KIAA1958: variants seen among roughly 807,000 people sequenced by gnomAD.
KIAA1958 encodes KIAA1958.
Under a neutral mutation model 47.2 loss-of-function variants are expected in KIAA1958, and 14 were observed. That is an observed-to-expected ratio of 0.30 (90% confidence interval 0.20 to 0.46). The LOEUF (loss-of-function observed/expected upper bound fraction) is 0.46, where lower values mean the gene tolerates loss of function less well. Among genes scored for constraint, KIAA1958 ranks in the 20% least tolerant of loss-of-function variants. The pLI is 1.00. For synonymous variants in KIAA1958, 354 were observed against 353.3 expected, an observed-to-expected ratio of 1.00 and a Z score of -0.02; for missense variants, 803 against 909.2, an observed-to-expected ratio of 0.88 and a Z score of 1.50.
intron 1 of KIAA1958, among the ~76,000 whole-genome samples, chr9:112,531,847 C>G (rs1246219035): frequency 6.6e-6 from 1 of 152,210 alleles, no homozygotes; most frequent in Non-Finnish European, 1.5e-5. Context: ...GGTTAACGCT[C>G]ATGTTGATGT....
chr9:112,542,501 T>C (rs1834960931), intron 1 of KIAA1958, among the ~76,000 whole-genome samples: 1 of 152,162 alleles, frequency 6.6e-6, no homozygotes, highest in South Asian at 2.1e-4. Context: ...ACTAAACTAC[T>C]CTACAACTCT....
chr9:112,520,406 T>C (rs999628214), intron 1 of KIAA1958, among the ~76,000 whole-genome samples: 1 of 152,238 alleles, frequency 6.6e-6, no homozygotes, highest in Non-Finnish European at 1.5e-5. Flanking sequence ...CTTGATGCTT[T>C]TACCATCATC....
At chr9:112,527,831 C>T (rs1323927049) in intron 1 of KIAA1958, among the ~76,000 whole-genome samples, 2 of 150,570 alleles carry the variant, frequency 1.3e-5, no homozygotes, top group East Asian at 1.9e-4. Context: ...CAGCTACTGG[C>T]GAGGCCGAGG....
chr9:112,588,809 A>G (rs1464012602), intron 2 of KIAA1958, among the ~76,000 whole-genome samples: 2 of 152,110 alleles, frequency 1.3e-5, no homozygotes, highest in Non-Finnish European at 2.9e-5. Flanking sequence ...GCGTTGATCC[A>G]CTGTTCCCCT....
chr9:112,555,003 G>A (rs897161117), intron 1 of KIAA1958, among the ~76,000 whole-genome samples: 1 of 152,206 alleles, frequency 6.6e-6, no homozygotes, highest in African/African-American at 2.4e-5. Flanking sequence ...CAAAAATACT[G>A]CAAGAAGGGA....
intron 2 of KIAA1958, among the ~76,000 whole-genome samples, chr9:112,612,479 A>G (rs753127199): frequency 5.3e-5 from 8 of 152,236 alleles, no homozygotes; most frequent in Non-Finnish European, 1.2e-4. Flanking sequence ...CAGAGTTCCT[A>G]TAAATCAATA....
chr9:112,637,287 G>A lies in KIAA1958; in HGVS notation c.1172-8363G>A, dbSNP rs928866853. ...ACTTGCTGCCATCTTTTTTCCTTTTGCCTGAACATCTGTCTTTATTTTTTA... is the reference window on the plus strand; with the variant it reads ...ACTTGCTGCCATCTTTTTTCCTTTTACCTGAACATCTGTCTTTATTTTTTA... On this transcript the variant is annotated intron_variant, in intron 2 of 3. Coordinates refer to ENST00000337530, the MANE Select transcript of KIAA1958 (RefSeq NM_133465.4). 9.2e-5 allele frequency among the ~76,000 whole-genome samples: 14 copies of A among 151,944 alleles called. No homozygotes were observed. The East Asian group carries it at 2.5e-3, about 27-fold the overall frequency.
At chr9:112,552,856 G>C (rs889367645) in intron 1 of KIAA1958, among the ~76,000 whole-genome samples, 3 of 152,104 alleles carry the variant, frequency 2.0e-5, no homozygotes, top group Admixed American at 2.0e-4. Context: ...ATGGAGCTGT[G>C]TACCATTCAA....
chr9:112,585,821 T>A (rs1835814526), intron 2 of KIAA1958, among the ~76,000 whole-genome samples: 1 of 152,200 alleles, frequency 6.6e-6, no homozygotes, highest in Non-Finnish European at 1.5e-5. Flanking sequence ...TACTGAAAGG[T>A]CTTCAGGGCA....
intron 1 of KIAA1958, among the ~76,000 whole-genome samples, chr9:112,487,903 A>G (rs1452798773): frequency 6.6e-6 from 1 of 150,962 alleles, no homozygotes; most frequent in Non-Finnish European, 1.5e-5. Context: ...AAAAAAATGA[A>G]CGTGGCTGTG....
At chr9:112,588,554 A>G (rs1835868641) in intron 2 of KIAA1958, among the ~76,000 whole-genome samples, 1 of 152,246 alleles carries the variant, frequency 6.6e-6, no homozygotes, top group Non-Finnish European at 1.5e-5. Flanking sequence ...ATTTAGAGAC[A>G]AATCTCACAA....
At chr9:112,650,447 A>T (rs1267705485) in intron 3 of KIAA1958, among the ~76,000 whole-genome samples, 1 of 152,216 alleles carries the variant, frequency 6.6e-6, no homozygotes, top group Admixed American at 6.5e-5. Context: ...ATGAAAGGGT[A>T]GTGTTGTAAA....
At chr9:112,616,399 T>C (rs1836408307) in intron 2 of KIAA1958, among the ~76,000 whole-genome samples, 1 of 152,230 alleles carries the variant, frequency 6.6e-6, no homozygotes, top group Admixed American at 6.5e-5. Context: ...TTCATATATA[T>C]GTATAGTAAT....
chr9:112,537,079 C>T (rs1184552199), intron 1 of KIAA1958, among the ~76,000 whole-genome samples: 2 of 151,558 alleles, frequency 1.3e-5, no homozygotes, highest in African/African-American at 4.8e-5. Flanking sequence ...CCTCCCCTCC[C>T]CTCCCCTCTT....
At chr9:112,571,768 GGACA>G (rs1835538311) in intron 1 of KIAA1958, among the ~76,000 whole-genome samples, 1 of 143,784 alleles carries the variant, frequency 7.0e-6, no homozygotes, top group South Asian at 2.2e-4. Flanking sequence ...GGCAACCTAG[GGACA>G]CCCCTAGGTT....
intron 2 of KIAA1958, chr9:112,619,022 T>G (rs537118908): frequency 8.7e-7 from 1 of 1,145,904 alleles, no homozygotes; most frequent in East Asian, 3.3e-5. Context: ...TAATTCACTT[T>G]ATAAAAATAT....
At chr9:112,589,515 C>G (rs1835883317) in intron 2 of KIAA1958, among the ~76,000 whole-genome samples, 4 of 152,096 alleles carry the variant, frequency 2.6e-5, no homozygotes. Context: ...TCACTTGAAC[C>G]CGGGAGGTGG....
At chr9:112,580,348 A>G (rs1056929368) in intron 2 of KIAA1958, among the ~76,000 whole-genome samples, 5 of 152,164 alleles carry the variant, frequency 3.3e-5, no homozygotes, top group African/African-American at 1.2e-4. Context: ...AAGGCAGTGT[A>G]TATTGGAAAA....
At chr9:112,603,180 G>C (rs1486770771) in intron 2 of KIAA1958, among the ~76,000 whole-genome samples, 2 of 152,104 alleles carry the variant, frequency 1.3e-5, no homozygotes, top group Admixed American at 1.3e-4. Flanking sequence ...GAAGAATAAG[G>C]AATGTTAGAG....
Sources: allele counts gnomAD v4.1 joint callset (sites outside exome capture counted in the v4.1 genomes callset), GRCh38; gene constraint gnomAD v4.1.1; transcripts MANE v1.5; gene names NCBI Gene and HGNC (gene_info 2026-07-23, HGNC 2026-07-21).